Variants in FLRT3 observed in about 807,000 individuals in gnomAD.
The protein encoded by FLRT3 is fibronectin leucine rich transmembrane protein 3.
In FLRT3, 17 loss-of-function variants were observed where a neutral mutation model predicts 42.6. The ratio of observed to expected loss-of-function variants is 0.40; its 90% CI spans 0.27 to 0.60. FLRT3 has a LOEUF of 0.60. Ranked by LOEUF, FLRT3 falls within the 20% of genes least tolerant of loss-of-function variation. The pLI is 0.44. For missense variants in FLRT3, 635 were observed against 789.2 expected (o/e 0.80, Z 2.34); for synonymous variants, 279 against 286.4 (o/e 0.97, Z 0.26).
chr20:14,327,538 A>G lies in FLRT3; in HGVS notation c.-32T>C. 1 of 1,568,390 alleles carries G rather than the reference A, an allele frequency of 6.4e-7. No individual in the cohort carries two copies. Among genetic ancestry groups the G allele is most frequent in the Non-Finnish European group, 8.6e-7 (1 of 1,158,596 alleles). On this transcript the variant is annotated 5_prime_UTR_variant, in exon 3 of 3. Coordinates refer to ENST00000341420, the MANE Select transcript of FLRT3 (RefSeq NM_198391.3). ...CAGTGTTGAGGTCTTTATACAAGGT[A>G]GCTTCCGTTACTTCAGAACCCTAAA... is the stretch of plus-strand genomic sequence containing the variant.
At chr20:14,337,102 A>C (rs1325478148) in intron 1 of FLRT3, among the ~76,000 whole-genome samples, 5 of 152,198 alleles carry the variant, frequency 3.3e-5, no homozygotes, top group Non-Finnish European at 2.9e-5. Flanking sequence ...TTTAATATTT[A>C]ACATTGAACT....
intron 1 of FLRT3, among the ~76,000 whole-genome samples, chr20:14,336,379 C>T (rs1245350518): frequency 2.0e-5 from 3 of 151,770 alleles, no homozygotes; most frequent in African/African-American, 7.3e-5. Flanking sequence ...AAACAAACCC[C>T]CCAGATGTTG....
In FLRT3 at chr20:14,325,389, G is replaced by A; in HGVS notation, c.*168C>T. ...CAATCGCAGCAGTAACCTGAAATTT[G>A]AAACTTTTAATAAAAAGTTCTTAAA... On this transcript the variant is annotated 3_prime_UTR_variant, in exon 3 of 3. Coordinates refer to ENST00000341420, the MANE Select transcript of FLRT3 (RefSeq NM_198391.3). 1 of 607,428 alleles carries A rather than the reference G, an allele frequency of 1.6e-6. No individual in the cohort carries two copies. The highest frequency in any genetic ancestry group is 2.6e-6 in the Non-Finnish European group (1 of 382,166). 37.6% of individuals were successfully genotyped at this position (607,428 alleles called of 1,614,324 possible).
rs1311218163 is a variant in FLRT3, at chr20:14,327,234, G to A, written c.273C>T (p.Tyr91=). 3 of 1,613,696 alleles carry A rather than the reference G, an allele frequency of 1.9e-6. No individual in the cohort carries two copies. Among genetic ancestry groups the A allele is most frequent in the Non-Finnish European group, 2.5e-6 (3 of 1,179,728 alleles). The part of the protein sequence containing the change: ...NLLKVERIYL[Y]HNSLDEFPTN... ...TAGGAAATTCATCTAAACTGTTGTG[G>A]TATAGGTATATTCTTTCTACTTTCA... The change falls in exon 3 of 3, where the codon TAC becomes TAT. Residue 91 remains tyrosine (Y), a synonymous_variant. Coordinates refer to ENST00000341420, the MANE Select transcript of FLRT3 (RefSeq NM_198391.3).
chr20:14,324,160 A>T lies in FLRT3; in HGVS notation c.*1397T>A, dbSNP rs574939647. Reference sequence around the variant, plus strand: ...TTTTTAAAAGTTTTATTCAGCAATAAGACCATAATTTTTCATATTTAAGGA... The same window carrying T: ...TTTTTAAAAGTTTTATTCAGCAATATGACCATAATTTTTCATATTTAAGGA... On this transcript the variant is annotated 3_prime_UTR_variant, in exon 3 of 3. Transcript: ENST00000341420. 13 of 152,782 alleles carry T rather than the reference A, an allele frequency of 8.5e-5. No individual in the cohort carries two copies. In the East Asian group the frequency reaches 2.5e-3, roughly 29 times the overall value. The allele number at this position is 152,782 out of a possible 1,614,324, so 9.5% of individuals were successfully genotyped here.
chr20:14,334,664 G>A (rs1314763872), intron 1 of FLRT3, among the ~76,000 whole-genome samples: 1 of 150,342 alleles, frequency 6.7e-6, no homozygotes, highest in African/African-American at 2.5e-5. Flanking sequence ...AAGGTGGGGG[G>A]TGGGAGGGAA....
chr20:14,332,113 A>G (rs2082853612), intron 1 of FLRT3, among the ~76,000 whole-genome samples: 1 of 152,176 alleles, frequency 6.6e-6, no homozygotes, highest in African/African-American at 2.4e-5. Context: ...AGTAAAAAGA[A>G]GAAAAACATA....
intron 1 of FLRT3, among the ~76,000 whole-genome samples, chr20:14,335,825 C>T (rs1469621349): frequency 6.6e-6 from 1 of 152,070 alleles, no homozygotes; most frequent in East Asian, 1.9e-4. Flanking sequence ...GTTTTTGTAA[C>T]TCTGTTTTTA....
chr20:14,325,533 A>G lies in FLRT3; in HGVS notation c.*24T>C, dbSNP rs753364533. 5 of 1,577,624 alleles carry G rather than the reference A, an allele frequency of 3.2e-6. No homozygotes were observed. The highest frequency in any genetic ancestry group is 1.4e-5 in the African/African-American group (1 of 73,866). ...CTTAGGTTTAAAAAACCCAAAACAC[A>G]AGTCTGCTGTGAGTCCTTCAGCATC... On this transcript the variant is annotated 3_prime_UTR_variant, in exon 3 of 3. Transcript: ENST00000341420.
At chr20:14,329,092 G>A (rs1021265290) in intron 2 of FLRT3, 42 bp downstream of exon 2, 2 of 152,006 alleles carry the variant, frequency 1.3e-5, no homozygotes, top group Admixed American at 1.3e-4. Flanking sequence ...GATTATCCAA[G>A]TATAAACTTT....
Position 14,326,114 on chromosome 20 carries a change from A to T in FLRT3, c.1393T>A (p.Leu465Met). ...GAATCAGGCTCCAGGGCTGTGACCAAGTACTCACTGCGTTCCCCTGTTACA... is the reference window on the plus strand; with the variant it reads ...GAATCAGGCTCCAGGGCTGTGACCATGTACTCACTGCGTTCCCCTGTTACA... Reference protein sequence around the residue: ...TIVTGERSEYLVTALEPDSPY... With the variant: ...TIVTGERSEYMVTALEPDSPY... The change falls in exon 3 of 3, where the codon TTG becomes ATG. Residue 465 changes from leucine (L) to methionine (M), a missense_variant. Physicochemically the swap from Leu to Met is conservative, Grantham distance 15 (BLOSUM62 2). Transcript: ENST00000341420. This position sits in a 1 kb window ranked among gnomAD's most constrained non-coding sequence, Gnocchi z 5.5. The T allele has an allele frequency of 6.2e-7, 1 of 1,613,884 alleles. No homozygotes were observed. The highest frequency in any genetic ancestry group is 8.5e-7 in the Non-Finnish European group (1 of 1,179,858).
chr20:14,337,116 C>T (rs2082952876), intron 1 of FLRT3, among the ~76,000 whole-genome samples: 1 of 152,174 alleles, frequency 6.6e-6, no homozygotes, highest in East Asian at 1.9e-4. Context: ...TTGAACTTTC[C>T]AACTTGCTGT....
chr20:14,331,774 A>T (rs1013577154), intron 1 of FLRT3, among the ~76,000 whole-genome samples: 1 of 152,116 alleles, frequency 6.6e-6, no homozygotes, highest in Admixed American at 6.6e-5. Context: ...ATCCTCTCCT[A>T]TCCTTAGACC....
chr20:14,326,810 C>T lies in FLRT3; in HGVS notation c.697G>A (p.Val233Met). Reference sequence around the variant, plus strand: ...GGTGCAGCAGTCAGGGAATTCCGCACCAGGGACAGCTCTGTCAAATTAACT... The same window carrying T: ...GGTGCAGCAGTCAGGGAATTCCGCATCAGGGACAGCTCTGTCAAATTAACT... ...NLVNLTELSL[V>M]RNSLTAAPVN... is the part of the protein sequence containing the mutation. Residue 233 changes from valine to methionine, a missense_variant, in exon 3 of 3, where the codon GTG (valine) becomes ATG (methionine). Val to Met is a conservative substitution (Grantham distance 21, BLOSUM62 1). Transcript: ENST00000341420. This position sits in a 1 kb window ranked among gnomAD's most constrained non-coding sequence, Gnocchi z 5.5. 2 of 1,613,600 alleles carry T rather than the reference C, an allele frequency of 1.2e-6. No homozygotes were observed.
chr20:14,326,951 G>A lies in FLRT3; in HGVS notation c.556C>T (p.Arg186Cys). ...TIEELRLDDN[R>C]ISTISSPSLQ... The stretch of plus-strand genomic sequence containing the variant: ...GATGGTGATGAAATAGTGGATATGC[G>A]ATTATCATCCAAGCGTAGTTCTTCT... The change falls in exon 3 of 3, where the codon CGC (arginine) becomes TGC (cysteine). Residue 186 changes from arginine (R) to cysteine (C), a missense_variant. By Grantham distance (180) the Arg-to-Cys change is radical. Transcript: ENST00000341420. The surrounding 1 kb of genome is among the most constrained non-coding windows in gnomAD (Gnocchi z 5.5). 2 of 1,613,724 alleles carry A rather than the reference G, an allele frequency of 1.2e-6. No homozygotes were observed. The highest frequency in any genetic ancestry group is 1.7e-6 in the Non-Finnish European group (2 of 1,179,768).
At chr20:14,327,843 A>G (rs953757605) in intron 2 of FLRT3, among the ~76,000 whole-genome samples, 3 of 152,116 alleles carry the variant, frequency 2.0e-5, no homozygotes, top group African/African-American at 7.2e-5. Context: ...TGAATAATCC[A>G]AAGTATTTTA....
intron 1 of FLRT3, among the ~76,000 whole-genome samples, chr20:14,336,859 G>A (rs1283849801): frequency 1.3e-5 from 2 of 152,226 alleles, no homozygotes; most frequent in Non-Finnish European, 2.9e-5. Context: ...CACGATAGCA[G>A]TGCAAGCTTT....
At chr20:14,336,891 A>C (rs1412560330) in intron 1 of FLRT3, among the ~76,000 whole-genome samples, 1 of 152,226 alleles carries the variant, frequency 6.6e-6, no homozygotes, top group Admixed American at 6.5e-5. Flanking sequence ...GTAGCTGTTA[A>C]TCCTTTACAG....
chr20:14,323,351 G>T lies in FLRT3; in HGVS notation c.*2206C>A, dbSNP rs1247716142. The stretch of plus-strand genomic sequence containing the variant: ...AAGGATGTTACAAAGGATCCAGATG[G>T]CAGGAAACATAAGGTGAGGTCTAGG... On this transcript the variant is annotated 3_prime_UTR_variant, in exon 3 of 3. Coordinates refer to ENST00000341420, the MANE Select transcript of FLRT3 (RefSeq NM_198391.3). 1 of 152,130 alleles carries T rather than the reference G, an allele frequency of 6.6e-6. No individual in the cohort carries two copies. Among genetic ancestry groups the T allele is most frequent in the East Asian group, 1.9e-4 (1 of 5,194 alleles). The allele number at this position is 152,130 out of a possible 1,614,324, so 9.4% of individuals were successfully genotyped here.
Sources: allele counts gnomAD v4.1 joint callset (sites outside exome capture counted in the v4.1 genomes callset), GRCh38; gene constraint gnomAD v4.1.1; non-coding constraint Gnocchi (gnomAD v3.1); transcripts MANE v1.5; gene names NCBI Gene and HGNC (gene_info 2026-07-23, HGNC 2026-07-21).